The following PSPC1 variants were observed in gnomAD, a reference collection of about 807,000 sequenced individuals.
The protein encoded by PSPC1 is paraspeckle component 1, also known as paraspeckle protein 1.
In PSPC1, 14 loss-of-function variants were observed where a neutral mutation model predicts 51.6. The ratio of observed to expected loss-of-function variants is 0.27; its 90% confidence interval spans 0.18 to 0.42. PSPC1 has a LOEUF of 0.42. Ranked by LOEUF, PSPC1 falls within the 10% of genes least tolerant of loss-of-function variation. PSPC1 has a pLI of 1.00. For missense variants in PSPC1, 406 were observed against 701.1 expected (o/e 0.58, Z 4.75); for synonymous variants, 193 against 231.9 (o/e 0.83, Z 1.53).
chr13:19,766,517 A>G (rs1888083548), intron 2 of PSPC1, among the ~76,000 whole-genome samples: 1 of 152,104 alleles, frequency 6.6e-6, no homozygotes, highest in South Asian at 2.1e-4. Flanking sequence ...ACATGGCGAA[A>G]ATACAAAAAG....
chr13:19,699,784 T>G (rs1027697084), downstream of PSPC1, among the ~76,000 whole-genome samples: 7 of 152,072 alleles, frequency 4.6e-5, no homozygotes, highest in Admixed American at 4.6e-4. Context: ...ACTGTTGAAT[T>G]AGAAGATATG....
At chr13:19,741,022 G>A (rs529977278) in intron 5 of PSPC1, among the ~76,000 whole-genome samples, 6 of 152,072 alleles carry the variant, frequency 3.9e-5, no homozygotes, top group East Asian at 1.9e-4. Context: ...TTACAGGCGC[G>A]TGCCACCACA....
At chr13:19,744,555 C>CT (rs1044762360) in intron 4 of PSPC1, among the ~76,000 whole-genome samples, 30 of 151,034 alleles carry the variant, frequency 2.0e-4, no homozygotes, top group Admixed American at 4.0e-4. Context: ...CTAGAGATGT[C>CT]TTTTTTTTTC....
In PSPC1 at chr13:19,775,076, T is replaced by C. The variant is rs181298589; in HGVS notation, c.373-2533A>G. Among the ~76,000 whole-genome samples, 694 of 151,962 alleles carry C rather than the reference T, an allele frequency of 4.6e-3. 5 individuals are homozygous for C. The highest frequency in any genetic ancestry group is 0.027 in the South Asian group (129 of 4,818). ...TAAATAGGCTGGGCGCAGTGGCTCA[T>C]GCCTGTAATCCCAGCACTTTAGGAG... On this transcript the variant is annotated intron_variant, in intron 1 of 8. Transcript: ENST00000338910.
At chr13:19,765,829 A>G (rs1173571601) in intron 2 of PSPC1, among the ~76,000 whole-genome samples, 1 of 152,198 alleles carries the variant, frequency 6.6e-6, no homozygotes, top group Admixed American at 6.6e-5. Context: ...AAAGTTAAGT[A>G]GCAATTTATA....
chr13:19,754,632 G>T (rs1886893554), intron 3 of PSPC1, among the ~76,000 whole-genome samples: 1 of 150,342 alleles, frequency 6.7e-6, no homozygotes, highest in South Asian at 2.1e-4. Context: ...TAGAGACAGG[G>T]TTTCACCATG....
chr13:19,778,358 T>C (rs1566061344), intron 1 of PSPC1, among the ~76,000 whole-genome samples: 7 of 50,924 alleles, frequency 1.4e-4, no homozygotes, highest in South Asian at 1.4e-3. Flanking sequence ...TTAAGACCTC[T>C]CCCTCTCCCC....
intron 5 of PSPC1, among the ~76,000 whole-genome samples, chr13:19,739,281 T>C (rs910150218): frequency 2.6e-5 from 4 of 152,202 alleles, no homozygotes; most frequent in African/African-American, 9.7e-5. Flanking sequence ...GTATCCTATT[T>C]TGGAATCCAC....
At chr13:19,733,946 C>T (rs1483688195) in intron 5 of PSPC1, among the ~76,000 whole-genome samples, 1 of 151,808 alleles carries the variant, frequency 6.6e-6, no homozygotes, top group African/African-American at 2.4e-5. Flanking sequence ...GAGTGAGATT[C>T]TGTCTAAAAA....
chr13:19,730,187 A>T (rs979393094), intron 6 of PSPC1, 52 bp downstream of exon 6: 2 of 1,485,974 alleles, frequency 1.3e-6, no homozygotes. Context: ...CTAAATATGC[A>T]TCATAAACCT....
chr13:19,760,816 G>A (rs893807568), intron 2 of PSPC1, among the ~76,000 whole-genome samples: 3 of 150,638 alleles, frequency 2.0e-5, no homozygotes, highest in African/African-American at 7.3e-5. Context: ...GTGAAACCTC[G>A]TCTCTACTAA....
intron 2 of PSPC1, among the ~76,000 whole-genome samples, chr13:19,762,304 C>A (rs1194770892): frequency 1.3e-5 from 2 of 151,878 alleles, no homozygotes; most frequent in Non-Finnish European, 2.9e-5. Flanking sequence ...ACGCCTGTAA[C>A]CCCAGCACTT....
intron 6 of PSPC1, among the ~76,000 whole-genome samples, chr13:19,717,586 G>A (rs1211085646): frequency 2.0e-5 from 3 of 149,604 alleles, no homozygotes. Context: ...GGCACCTGTA[G>A]TCCCAGCTAC....
intron 6 of PSPC1, among the ~76,000 whole-genome samples, chr13:19,680,432 T>C (rs1007322299): frequency 3.3e-5 from 5 of 152,190 alleles, no homozygotes; most frequent in African/African-American, 7.2e-5. Flanking sequence ...TGATTGTACA[T>C]TGCATTGTAA....
chr13:19,733,486 C>T (rs1309971178), intron 5 of PSPC1, among the ~76,000 whole-genome samples: 5 of 152,076 alleles, frequency 3.3e-5, no homozygotes, highest in Non-Finnish European at 1.5e-5. Context: ...CACGGCCATG[C>T]ACAGTGACTC....
chr13:19,697,413 C>G (rs933984768), intron 6 of PSPC1, among the ~76,000 whole-genome samples: 1 of 152,146 alleles, frequency 6.6e-6, no homozygotes, highest in East Asian at 1.9e-4. Context: ...CCCTAGAAAA[C>G]TAACCAATAC....
chr13:19,675,600 C>T (rs927744312), intron 7 of PSPC1: 1 of 148,934 alleles, frequency 6.7e-6, no homozygotes, highest in Non-Finnish European at 1.5e-5. Flanking sequence ...GATTTGTTTT[C>T]TGTCTTGTTT....
intron 1 of PSPC1, among the ~76,000 whole-genome samples, chr13:19,777,869 C>T (rs1463073667): frequency 6.6e-6 from 1 of 151,980 alleles, no homozygotes; most frequent in Non-Finnish European, 1.5e-5. Context: ...TCGCTTGAAC[C>T]AGGGAGGCAG....
intron 4 of PSPC1, among the ~76,000 whole-genome samples, chr13:19,748,727 T>C (rs2138102544): frequency 6.7e-6 from 1 of 148,642 alleles, no homozygotes; most frequent in Non-Finnish European, 1.5e-5. Flanking sequence ...CATTGTTATC[T>C]AACTAGGGCA....
Sources: allele counts gnomAD v4.1 joint callset (sites outside exome capture counted in the v4.1 genomes callset), GRCh38; gene constraint gnomAD v4.1.1; transcripts MANE v1.5; gene names NCBI Gene and HGNC (gene_info 2026-07-23, HGNC 2026-07-21).